ASIC2: variants seen among roughly 807,000 people sequenced by gnomAD.
The protein encoded by ASIC2 is acid sensing ion channel subunit 2, also known as acid-sensing ion channel 2.
ASIC2 carries 25 observed loss-of-function variants against 57.3 expected under a neutral mutation model. The observed-to-expected ratio is 0.44, with a 90% CI of 0.32 to 0.61. ASIC2 has a LOEUF of 0.61. Among genes scored for constraint, ASIC2 ranks in the 20% least tolerant of loss-of-function variants. The pLI, the probability that ASIC2 is intolerant of heterozygous loss-of-function variation, is 0.06. For synonymous variants in ASIC2, 319 were observed against 307.5 expected (o/e 1.04, Z -0.39); for missense variants, 641 against 738.1 (o/e 0.87, Z 1.52).
Position 34,057,109 on chromosome 17 carries a change from G to T in ASIC2, c.555+98869C>A, listed in dbSNP as rs74971381. ...TCATTCATTTAATCATCAACCTTTTGTTGGGCACTAAATTTATGCCAGGCC... is the reference window on the plus strand; with the variant it reads ...TCATTCATTTAATCATCAACCTTTTTTTGGGCACTAAATTTATGCCAGGCC... On this transcript the variant is annotated intron_variant, in intron 1 of 9. Transcript: ENST00000359872. 7.7e-4 allele frequency among the ~76,000 whole-genome samples: 117 copies of T among 152,096 alleles called. No homozygotes were observed. In the East Asian group the frequency reaches 0.019, roughly 24 times the overall value.
chr17:33,818,102 C>G (rs879526843), intron 1 of ASIC2, among the ~76,000 whole-genome samples: 1 of 152,136 alleles, frequency 6.6e-6, no homozygotes, highest in Non-Finnish European at 1.5e-5. Flanking sequence ...ATCAGCGCAG[C>G]CATAAAGATC....
At position 33,974,897 on chromosome 17, in the gene ASIC2, G is replaced by A. The variant is rs143087349; in HGVS notation, c.555+181081C>T. Reference sequence around the variant, plus strand: ...CCACCCTCATCCCTCAGCTTTTCCTGTCTTCCTCTCCTGCTTCAATTTTCT... The same window carrying A: ...CCACCCTCATCCCTCAGCTTTTCCTATCTTCCTCTCCTGCTTCAATTTTCT... On this transcript the variant is annotated intron_variant, in intron 1 of 9. Transcript: ENST00000359872. Among the ~76,000 whole-genome samples the A allele has an allele frequency of 2.8e-3, 419 of 152,082 alleles. 2 individuals are homozygous for A. Among genetic ancestry groups the A allele is most frequent in the African/African-American group, 9.5e-3 (392 of 41,478 alleles).
intron 1 of ASIC2, among the ~76,000 whole-genome samples, chr17:33,857,443 T>A (rs1176658789): frequency 6.6e-6 from 1 of 152,028 alleles, no homozygotes; most frequent in Admixed American, 6.5e-5. Flanking sequence ...ACAGGTTCCA[T>A]CCCCAATTCA....
At chr17:33,719,643 G>A (rs1055362254) in intron 1 of ASIC2, among the ~76,000 whole-genome samples, 2 of 152,202 alleles carry the variant, frequency 1.3e-5, no homozygotes, top group Non-Finnish European at 2.9e-5. Flanking sequence ...GTTGGGCATG[G>A]AGCCTTCAGT....
chr17:33,309,398 A>G (rs987953434), intron 1 of ASIC2, among the ~76,000 whole-genome samples: 1 of 152,268 alleles, frequency 6.6e-6, no homozygotes, highest in Non-Finnish European at 1.5e-5. Flanking sequence ...AAATGGCAGA[A>G]GAGAGGAGCT....
At chr17:33,509,029 G>C (rs1377152025) in intron 1 of ASIC2, among the ~76,000 whole-genome samples, 1 of 152,140 alleles carries the variant, frequency 6.6e-6, no homozygotes, top group Non-Finnish European at 1.5e-5. Context: ...TCCCAAGCTG[G>C]TTTTTGTTAA....
intron 1 of ASIC2, among the ~76,000 whole-genome samples, chr17:33,347,534 T>C (rs1907994980): frequency 6.6e-6 from 1 of 151,982 alleles, no homozygotes; most frequent in South Asian, 2.1e-4. Context: ...ATTCAAAGTG[T>C]TTGGTAGAGA....
At chr17:33,041,822 T>C (rs1177711364) in intron 3 of ASIC2, among the ~76,000 whole-genome samples, 1 of 152,216 alleles carries the variant, frequency 6.6e-6, no homozygotes, top group Non-Finnish European at 1.5e-5. Flanking sequence ...CAGTGTGATC[T>C]TGGGCATGAC....
At chr17:33,734,239 T>A (rs1253556302) in intron 1 of ASIC2, among the ~76,000 whole-genome samples, 2 of 151,664 alleles carry the variant, frequency 1.3e-5, no homozygotes, top group African/African-American at 2.4e-5. Context: ...AGACTAGCCC[T>A]TCCCTCCTGT....
intron 1 of ASIC2, among the ~76,000 whole-genome samples, chr17:33,568,923 A>T (rs1490020852): frequency 1.3e-5 from 2 of 152,188 alleles, no homozygotes; most frequent in Non-Finnish European, 1.5e-5. Context: ...TGGGAGCTTG[A>T]TTTATATCAC....
At chr17:33,856,497 G>A (rs368342553) in intron 1 of ASIC2, among the ~76,000 whole-genome samples, 3 of 13,642 alleles carry the variant, frequency 2.2e-4, no homozygotes, top group Non-Finnish European at 3.9e-4. Flanking sequence ...TAGTAATAGT[G>A]TTGTCAGTAG....
At chr17:33,233,621 T>G (rs2142110906) in intron 1 of ASIC2, among the ~76,000 whole-genome samples, 1 of 146,696 alleles carries the variant, frequency 6.8e-6, no homozygotes, top group East Asian at 2.0e-4. Context: ...TTTCAACTGG[T>G]TTTTTTTTTT....
chr17:33,066,227 C>T (rs1598260613), intron 3 of ASIC2, among the ~76,000 whole-genome samples: 1 of 152,240 alleles, frequency 6.6e-6, no homozygotes, highest in South Asian at 2.1e-4. Flanking sequence ...GTAGTGAGGG[C>T]TGAGAGAGAA....
intron 1 of ASIC2, among the ~76,000 whole-genome samples, chr17:33,466,951 A>C (rs1432542649): frequency 6.6e-6 from 1 of 152,262 alleles, no homozygotes; most frequent in Non-Finnish European, 1.5e-5. Context: ...CTTCATGACT[A>C]AAACACAAAA....
chr17:33,137,028 T>C (rs974932307), intron 1 of ASIC2, among the ~76,000 whole-genome samples: 1 of 152,222 alleles, frequency 6.6e-6, no homozygotes, highest in Middle Eastern at 3.2e-3. Context: ...GACAGTCCTG[T>C]TCTAAAGCAC....
intron 1 of ASIC2, among the ~76,000 whole-genome samples, chr17:33,978,317 A>T (rs770529877): frequency 1.8e-4 from 27 of 152,192 alleles, no homozygotes; most frequent in Non-Finnish European, 2.8e-4. Context: ...CTACGTAGAA[A>T]ATATGGCAGG....
rs763265262 is a variant in ASIC2 at position 33,841,584 on chromosome 17, A to C, written c.555+314394T>G. ...AATAAAAGAAAATGCCACTTTACAC[A>C]GTGAGAAACAGGCATTAGGAACATA... On this transcript the variant is annotated intron_variant, in intron 1 of 9. Transcript: ENST00000359872. Among the ~76,000 whole-genome samples, 9 of 152,340 alleles carry C rather than the reference A, an allele frequency of 5.9e-5. No homozygotes were observed. The South Asian group carries it at 1.5e-3, about 25-fold the overall frequency.
intron 1 of ASIC2, among the ~76,000 whole-genome samples, chr17:33,998,285 G>C (rs1368556230): frequency 6.6e-6 from 1 of 151,892 alleles, no homozygotes; most frequent in African/African-American, 2.4e-5. Flanking sequence ...TCTTAGTCCA[G>C]CTAAAGGTTT....
At chr17:33,374,742 G>C (rs1174057984) in intron 1 of ASIC2, among the ~76,000 whole-genome samples, 1 of 152,160 alleles carries the variant, frequency 6.6e-6, no homozygotes, top group African/African-American at 2.4e-5. Context: ...CCAGGGAACA[G>C]GGTTCTTGCC....
Sources: gnomAD v4.1 joint callset for allele counts (sites outside exome capture counted in the v4.1 genomes callset) on GRCh38, gnomAD v4.1.1 for gene constraint, MANE v1.5 for transcripts, NCBI Gene and HGNC (gene_info 2026-07-23, HGNC 2026-07-21) for gene names.